The following CHN2 variants were observed in gnomAD, a reference collection of about 807,000 sequenced individuals.
CHN2 encodes the protein beta-chimaerin.
Under a neutral mutation model 56.3 loss-of-function variants are expected in CHN2, and 35 were observed. The observed-to-expected ratio is 0.62, with a 90% CI of 0.47 to 0.82. The LOEUF (loss-of-function observed/expected upper bound fraction) is 0.82, where lower values mean the gene tolerates loss of function less well. Ranked by LOEUF, CHN2 falls within the 40% of genes least tolerant of loss-of-function variation. The probability of loss-of-function intolerance (pLI) is 0.00; values close to 1 mark genes in which losing one functional copy is unlikely to be tolerated. For synonymous variants in CHN2, 210 were observed against 212.8 expected, an observed-to-expected ratio of 0.99 and a Z score of 0.12; for missense variants, 491 against 580.5, an observed-to-expected ratio of 0.85 and a Z score of 1.58.
intron 1 of CHN2, among the ~76,000 whole-genome samples, chr7:29,309,485 G>A (rs1166489786): frequency 2.6e-5 from 4 of 152,218 alleles, no homozygotes; most frequent in East Asian, 1.9e-4. Flanking sequence ...AGTGGCCCCC[G>A]GTGGTGGGAG....
intron 2 of CHN2, among the ~76,000 whole-genome samples, chr7:29,165,676 C>T (rs1795814866): frequency 6.6e-6 from 1 of 152,176 alleles, no homozygotes; most frequent in Admixed American, 6.5e-5. Context: ...GAGGTGTTAA[C>T]TGTAGGCTTT....
rs997625587 is a variant in CHN2 at position 29,513,608 on chromosome 7, G to GTT, written c.*874_*875dup. ...TGGATGTATCTGGTCTGTGTAAAAA[G>GTT]TTAGCACTTACCCTCTTTTCTTCCT... On this transcript the variant is annotated 3_prime_UTR_variant, in exon 13 of 13. Transcript: ENST00000222792. 5 of 117,426 alleles carry GTT rather than the reference G, an allele frequency of 4.3e-5. No individual in the cohort carries two copies. The highest frequency in any genetic ancestry group is 9.0e-3 in the Middle Eastern group (2 of 222). The allele number at this position is 117,426 out of a possible 1,614,324, so 7.3% of individuals were successfully genotyped here.
intron 1 of CHN2, among the ~76,000 whole-genome samples, chr7:29,341,905 G>A (rs1484853105): frequency 2.0e-5 from 3 of 152,210 alleles, no homozygotes; most frequent in Non-Finnish European, 4.4e-5. Flanking sequence ...CACCAACCAT[G>A]TGGCCTTGGG....
chr7:29,288,700 T>A (rs1792348940), intron 1 of CHN2, among the ~76,000 whole-genome samples: 1 of 152,062 alleles, frequency 6.6e-6, no homozygotes, highest in African/African-American at 2.4e-5. Flanking sequence ...AAACAAATAG[T>A]AAACTAGAGA....
intron 10 of CHN2, among the ~76,000 whole-genome samples, chr7:29,506,210 C>A (rs1341695734): frequency 6.6e-6 from 1 of 152,058 alleles, no homozygotes; most frequent in Non-Finnish European, 1.5e-5. Context: ...AATCCCAGCA[C>A]TTTGGGGGTT....
At chr7:29,224,614 A>T (rs111601794) in intron 1 of CHN2, among the ~76,000 whole-genome samples, 9 of 152,320 alleles carry the variant, frequency 5.9e-5, no homozygotes, top group African/African-American at 1.9e-4. Context: ...ATGGAATGTT[A>T]TATCTTCTCT....
At chr7:29,491,541 T>G (rs1788671340) in intron 7 of CHN2, among the ~76,000 whole-genome samples, 1 of 152,136 alleles carries the variant, frequency 6.6e-6, no homozygotes, top group African/African-American at 2.4e-5. Context: ...CCTGAGTAGC[T>G]AGGACTACAG....
intron 1 of CHN2, among the ~76,000 whole-genome samples, chr7:29,275,640 A>G (rs961086909): frequency 6.6e-6 from 1 of 152,198 alleles, no homozygotes; most frequent in African/African-American, 2.4e-5. Context: ...ATACGGTCTC[A>G]CTTCTCACCA....
intron 3 of CHN2, chr7:29,380,596 A>G (rs1800424872): frequency 1.3e-5 from 2 of 152,232 alleles, no homozygotes; most frequent in Admixed American, 1.3e-4. Context: ...AAAACTAAGA[A>G]TGATAGACAC....
At chr7:29,424,975 C>A (rs1459558219) in intron 6 of CHN2, among the ~76,000 whole-genome samples, 3 of 152,212 alleles carry the variant, frequency 2.0e-5, no homozygotes, top group Non-Finnish European at 4.4e-5. Flanking sequence ...TTTACCTGAC[C>A]AAGCTTTGGC....
chr7:29,416,335 T>C (rs1803738869), intron 6 of CHN2, among the ~76,000 whole-genome samples: 1 of 152,174 alleles, frequency 6.6e-6, no homozygotes, highest in Admixed American at 6.5e-5. Flanking sequence ...TTAGAAGCTA[T>C]GAAAAAGTTA....
chr7:29,344,587 G>C (rs1797281861), intron 1 of CHN2, among the ~76,000 whole-genome samples: 1 of 152,126 alleles, frequency 6.6e-6, no homozygotes, highest in Non-Finnish European at 1.5e-5. Context: ...TCCTCCAAGA[G>C]CCTATCCATC....
chr7:29,184,584 G>A (rs915783849), intron 2 of CHN2: 1 of 152,114 alleles, frequency 6.6e-6, no homozygotes, highest in African/African-American at 2.4e-5. Context: ...TCAGTCCAAA[G>A]GCCATCACAA....
At chr7:29,405,161 C>CTACACA (rs1554287645) in intron 6 of CHN2, among the ~76,000 whole-genome samples, 2 of 49,808 alleles carry the variant, frequency 4.0e-5, no homozygotes, top group Non-Finnish European at 9.3e-5. Context: ...GCTTATGTCA[C>CTACACA]CATACACACA....
intron 1 of CHN2, among the ~76,000 whole-genome samples, chr7:29,290,715 C>G (rs1792531130): frequency 6.6e-6 from 1 of 152,126 alleles, no homozygotes; most frequent in Admixed American, 6.5e-5. Flanking sequence ...CCTGCAAATT[C>G]TACATTTAGA....
At chr7:29,439,106 A>G (rs1420943466) in intron 6 of CHN2, among the ~76,000 whole-genome samples, 1 of 152,186 alleles carries the variant, frequency 6.6e-6, no homozygotes, top group Non-Finnish European at 1.5e-5. Context: ...TACCAGGCCT[A>G]TTAAGGAGGT....
intron 9 of CHN2, among the ~76,000 whole-genome samples, chr7:29,500,606 A>G (rs1789862410): frequency 1.3e-5 from 2 of 152,198 alleles, no homozygotes; most frequent in African/African-American, 4.8e-5. Flanking sequence ...GGCCGTGTTC[A>G]GGGTACCATG....
intron 1 of CHN2, chr7:29,200,575 TC>T (rs761723628): frequency 2.6e-5 from 4 of 151,308 alleles, no homozygotes; most frequent in Non-Finnish European, 5.9e-5. Flanking sequence ...TCTTTACTGT[TC>T]GTAGTTTGCA....
At chr7:29,453,441 C>T (rs7782374) in intron 6 of CHN2, among the ~76,000 whole-genome samples, 18,717 of 152,192 alleles carry the variant, frequency 0.12, 1,289 homozygotes, top group South Asian at 0.2. Context: ...GGCAAGTGCA[C>T]AGCACCTGGG....
Sources: allele counts gnomAD v4.1 joint callset (sites outside exome capture counted in the v4.1 genomes callset), GRCh38; gene constraint gnomAD v4.1.1; transcripts MANE v1.5; gene names NCBI Gene and HGNC (gene_info 2026-07-23, HGNC 2026-07-21).